The following H2BC18 variants were observed in gnomAD, a reference collection of about 807,000 sequenced individuals.
The protein encoded by H2BC18 is histone H2B type 2-F.
In H2BC18, 8 loss-of-function variants were observed where a neutral mutation model predicts 6.3. The observed-to-expected ratio is 1.28, with a 90% CI of 0.75 to 2.31. The LOEUF (loss-of-function observed/expected upper bound fraction) is 2.31. H2BC18 is among the 30% of genes most tolerant of loss of function. The probability of loss-of-function intolerance (pLI) is 0.00; values close to 1 mark genes in which losing one functional copy is unlikely to be tolerated. For missense variants in H2BC18, 106 were observed against 174.5 expected, an observed-to-expected ratio of 0.61 and a Z score of 2.21; for synonymous variants, 104 against 78.1, an observed-to-expected ratio of 1.33 and a Z score of -1.75.
At chr1:149,797,609 G>C (rs1553752906) in intron 1 of H2BC18, among the ~76,000 whole-genome samples, 4 of 152,108 alleles carry the variant, frequency 2.6e-5, no homozygotes, top group Non-Finnish European at 4.4e-5. Context: ...GTTAGCGTTT[G>C]AGTTAAAAAC....
chr1:149,786,564 C>A (rs1438080386), intron 1 of H2BC18: 1 of 152,110 alleles, frequency 6.6e-6, no homozygotes, highest in African/African-American at 2.4e-5. Flanking sequence ...TCAATTTAAT[C>A]AGTATATGCT....
In H2BC18 at chr1:149,812,200, C is replaced by G. The variant is rs782143987; in HGVS notation, c.124G>C (p.Val42Leu). ...RSRKESYSVY[V>L]YKVLKQVHPD... ...TGGACCTGCTTCAGCACCTTGTACA[C>G]GTAAACGGAGTAGCTCTCCTTGCGG... Residue 42 changes from valine (V) to leucine (L), a missense_variant, in exon 1 of 1, where the codon GTG (valine) becomes CTG (leucine). Around this residue, in one of 3 missense-constraint regions of H2BC18, gnomAD observed 70 missense variants for 64.6 expected, o/e 1.08. Coordinates refer to ENST00000369167, the MANE Select transcript of H2BC18 (RefSeq NM_001024599.5). 2.5e-6 allele frequency: 4 copies of G among 1,614,280 alleles called. No homozygotes were observed. Among genetic ancestry groups the G allele is most frequent in the East Asian group, 2.2e-5 (1 of 44,888 alleles).
chr1:149,793,108 C>G (rs1164853082), intron 1 of H2BC18: 2 of 1,274,016 alleles, frequency 1.6e-6, no homozygotes, highest in East Asian at 1.3e-4. Flanking sequence ...CCCGGGGATG[C>G]TGCCGGCCTC....
At position 149,812,347 on chromosome 1, in the gene H2BC18, A is replaced by T. The variant is rs376484782; in HGVS notation, c.-24T>A. On this transcript the variant is annotated 5_prime_UTR_variant, in exon 1 of 1. Coordinates refer to ENST00000369167, the MANE Select transcript of H2BC18 (RefSeq NM_001024599.5). Reference sequence around the variant, plus strand: ...ATTTTTGCGCGAAAAAAGAGAAAAGAGACTTAAAGAAGTAATCCGAACTAC... The same window carrying T: ...ATTTTTGCGCGAAAAAAGAGAAAAGTGACTTAAAGAAGTAATCCGAACTAC... The T allele has an allele frequency of 6.2e-7, 1 of 1,614,100 alleles. No individual in the cohort carries two copies.
In H2BC18 at chr1:149,812,260, C is replaced by A; in HGVS notation, c.64G>T (p.Val22Leu). 1 of 1,614,264 alleles carries A rather than the reference C, an allele frequency of 6.2e-7. No homozygotes were observed. The highest frequency in any genetic ancestry group is 8.5e-7 in the Non-Finnish European group (1 of 1,180,044). ...KKGSKKAVTK[V>L]QKKDGKKRKR... ...CGCTTCTTGCCGTCCTTCTTCTGCA[C>A]TTTCGTAACAGCCTTTTTGGAGCCC... Residue 22 changes from valine to leucine, a missense_variant, in exon 1 of 1, where the codon GTG (valine) becomes TTG (leucine). Around this residue, in one of 3 missense-constraint regions of H2BC18, gnomAD observed 70 missense variants for 64.6 expected, o/e 1.08. Transcript: ENST00000369167.
intron 1 of H2BC18, chr1:149,786,832 AT>A (rs1192173842): frequency 6.6e-6 from 1 of 152,174 alleles, no homozygotes; most frequent in African/African-American, 2.4e-5. Flanking sequence ...GATTTCTAAT[AT>A]TATAGCACTT....
downstream of H2BC18, among the ~76,000 whole-genome samples, chr1:149,807,831 G>GAGAA (rs1202586530): frequency 1.3e-5 from 2 of 151,968 alleles, no homozygotes; most frequent in African/African-American, 2.4e-5. Context: ...AAGAGAGAGA[G>GAGAA]AGAGAGAAAG....
In H2BC18 at chr1:149,789,884, G is replaced by A. The variant is rs375886713; in HGVS notation, c.378-6624C>T. Reference sequence around the variant, plus strand: ...TCAGCAAGCTGGCAACCCTAATTATGTCTATTAGGACACCCCAAGAATGGC... The same window carrying A: ...TCAGCAAGCTGGCAACCCTAATTATATCTATTAGGACACCCCAAGAATGGC... On this transcript the variant is annotated intron_variant, in intron 1 of 1. Coordinates refer to the H2BC18 transcript ENST00000545683. Among the ~76,000 whole-genome samples, 93 of 152,254 alleles carry A rather than the reference G, an allele frequency of 6.1e-4. No individual in the cohort carries two copies. In the East Asian group the frequency reaches 0.013, roughly 21 times the overall value.
At chr1:149,782,916 G>A (rs1553750390) in exon 2 of H2BC18, 5 of 1,591,330 alleles carry the variant, frequency 3.1e-6, no homozygotes, top group Non-Finnish European at 4.3e-6. Context: ...GTTTATTAGA[G>A]CTTATTTTAT....
chr1:149,802,088 C>G (rs1265284796), intron 1 of H2BC18, among the ~76,000 whole-genome samples: 1 of 152,098 alleles, frequency 6.6e-6, no homozygotes, highest in Admixed American at 6.5e-5. Flanking sequence ...GTCTTCTACT[C>G]TATAGATGCT....
At chr1:149,799,075 A>C (rs1553753046) in intron 1 of H2BC18, among the ~76,000 whole-genome samples, 1 of 142,330 alleles carries the variant, frequency 7.0e-6, no homozygotes, top group African/African-American at 2.7e-5. Context: ...TCTAGAATCT[A>C]AATTCACTTT....
intron 1 of H2BC18, chr1:149,789,929 G>C (rs674272): frequency 7.6e-6 from 12 of 1,584,990 alleles, no homozygotes; most frequent in African/African-American, 1.4e-5. Flanking sequence ...GAAGTAAAAA[G>C]GGTTAATGCC....
chr1:149,803,931 T>C (rs2091895247), intron 1 of H2BC18: 1 of 152,248 alleles, frequency 6.6e-6, no homozygotes, highest in Non-Finnish European at 1.5e-5. Flanking sequence ...GCTGAGTAGT[T>C]GACAACAACA....
At chr1:149,802,882 C>T (rs1307700901) in intron 1 of H2BC18, among the ~76,000 whole-genome samples, 2 of 152,188 alleles carry the variant, frequency 1.3e-5, no homozygotes, top group Non-Finnish European at 2.9e-5. Context: ...TGCAAGCCAG[C>T]TTAGCCCACC....
At chr1:149,808,723 T>G (rs1364998124), downstream of H2BC18, among the ~76,000 whole-genome samples, 1 of 152,208 alleles carries the variant, frequency 6.6e-6, no homozygotes, top group East Asian at 1.9e-4. Context: ...TATCAAGTTT[T>G]CTATTTTTGC....
At chr1:149,796,820 ACACT>A (rs1363062837) in intron 1 of H2BC18, among the ~76,000 whole-genome samples, 2 of 152,196 alleles carry the variant, frequency 1.3e-5, no homozygotes, top group Admixed American at 6.5e-5. Flanking sequence ...TCATTGCCTC[ACACT>A]CAGTCGGTGG....
At chr1:149,793,387 GC>G (rs2091761681) in intron 1 of H2BC18, among the ~76,000 whole-genome samples, 2 of 151,964 alleles carry the variant, frequency 1.3e-5, no homozygotes, top group Non-Finnish European at 2.9e-5. Context: ...GGGCAAGAAG[GC>G]TCCAGGCTCC....
At chr1:149,790,064 A>G in intron 1 of H2BC18, 1 of 1,613,746 alleles carries the variant, frequency 6.2e-7, no homozygotes. Context: ...AGCTATTTCC[A>G]GCTCCAGTGC....
intron 1 of H2BC18, chr1:149,803,932 GACA>G (rs1559754107): frequency 2.0e-5 from 3 of 152,316 alleles, no homozygotes; most frequent in East Asian, 1.9e-4. Flanking sequence ...CTGAGTAGTT[GACA>G]ACAACAGTAA....
Sources: gnomAD v4.1 joint callset for allele counts (sites outside exome capture counted in the v4.1 genomes callset) on GRCh38, gnomAD v4.1.1 for gene constraint, gnomAD v4.1.1 regional missense constraint, MANE v1.5 for transcripts, NCBI Gene and HGNC (gene_info 2026-07-23, HGNC 2026-07-21) for gene names.